Variants in ADAMTS16 observed in about 807,000 individuals in gnomAD.
ADAMTS16 encodes ADAM metallopeptidase with thrombospondin type 1 motif 16, also known as A disintegrin and metalloproteinase with thrombospondin motifs 16.
Under a neutral mutation model 145.8 loss-of-function variants are expected in ADAMTS16, and 94 were observed. The observed-to-expected ratio is 0.64, with a 90% confidence interval of 0.55 to 0.77. The LOEUF is 0.77. ADAMTS16 is among the 30% of genes least tolerant of loss of function. ADAMTS16 has a pLI of 0.00. For missense variants in ADAMTS16, 1,585 were observed against 1,591.5 expected (o/e 1.00, Z 0.07); for synonymous variants, 659 against 604.3 (o/e 1.09, Z -1.33).
intron 21 of ADAMTS16, among the ~76,000 whole-genome samples, chr5:5,312,657 A>T (rs954569333): frequency 2.6e-5 from 4 of 152,090 alleles, no homozygotes; most frequent in Non-Finnish European, 4.4e-5. Flanking sequence ...CGTGTTGGCC[A>T]GGCTGGTCTC....
chr5:5,309,245 T>C (rs1740314484), intron 21 of ADAMTS16, among the ~76,000 whole-genome samples: 1 of 152,240 alleles, frequency 6.6e-6, no homozygotes, highest in African/African-American at 2.4e-5. Flanking sequence ...CTCTGGATTG[T>C]TAATAATGCC....
At chr5:5,213,940 T>A (rs553773054) in intron 10 of ADAMTS16, among the ~76,000 whole-genome samples, 2 of 152,312 alleles carry the variant, frequency 1.3e-5, no homozygotes, top group South Asian at 2.1e-4. Flanking sequence ...CCAATGCAAC[T>A]TTTTTCTATA....
Position 5,306,688 on chromosome 5 carries a change from GA to G in ADAMTS16, c.3372del (p.Ser1126ArgfsTer142), listed in dbSNP as rs1561002066. 6.2e-7 allele frequency: 1 copy of G among 1,613,526 alleles called. No individual in the cohort carries two copies. Among genetic ancestry groups the G allele is most frequent in the Non-Finnish European group, 8.5e-7 (1 of 1,179,850 alleles). On this transcript the variant is annotated frameshift_variant, in exon 21 of 23. Coordinates refer to ENST00000274181, the MANE Select transcript of ADAMTS16 (RefSeq NM_139056.4). LOFTEE classifies it high-confidence loss of function. ...AGGCACCCCCCATTTGCTGCTGCGGGACCCTCGAGGGGCAGCTGGTTTGCCT... is the reference window on the plus strand; with the variant it reads ...AGGCACCCCCCATTTGCTGCTGCGGGCCCTCGAGGGGCAGCTGGTTTGCCT... ...CPRHPPFAAAGPSRGSWFASP... is the reference protein window; with the variant it reads ...CPRHPPFAAAXPSRGSWFASP...
intron 3 of ADAMTS16, among the ~76,000 whole-genome samples, chr5:5,172,627 T>C (rs2126544443): frequency 6.6e-6 from 1 of 152,306 alleles, no homozygotes; most frequent in South Asian, 2.1e-4. Flanking sequence ...TTCAGGGTTT[T>C]TAAAATTTTT....
At chr5:5,297,821 A>G (rs1739607339) in intron 18 of ADAMTS16, among the ~76,000 whole-genome samples, 1 of 152,230 alleles carries the variant, frequency 6.6e-6, no homozygotes, top group Non-Finnish European at 1.5e-5. Flanking sequence ...TCCTGCATTT[A>G]GAGGTGAAAA....
chr5:5,244,926 G>C (rs916717812), intron 17 of ADAMTS16, among the ~76,000 whole-genome samples: 5 of 152,144 alleles, frequency 3.3e-5, no homozygotes, highest in Non-Finnish European at 5.9e-5. Context: ...TCTATGTTTG[G>C]AGGACTTGTC....
At chr5:5,244,716 AG>A (rs1343645449) in intron 17 of ADAMTS16, among the ~76,000 whole-genome samples, 2 of 152,222 alleles carry the variant, frequency 1.3e-5, no homozygotes, top group Non-Finnish European at 2.9e-5. Flanking sequence ...CTGCCAGGGA[AG>A]CACAACGTGT....
intron 18 of ADAMTS16, among the ~76,000 whole-genome samples, chr5:5,298,637 G>C (rs1280826251): frequency 1.4e-5 from 2 of 144,140 alleles, no homozygotes; most frequent in Non-Finnish European, 3.1e-5. Flanking sequence ...TATGGAAGAG[G>C]CAGATTTTTC....
At chr5:5,184,263 C>T (rs890763710) in intron 4 of ADAMTS16, among the ~76,000 whole-genome samples, 2 of 152,022 alleles carry the variant, frequency 1.3e-5, no homozygotes, top group South Asian at 2.1e-4. Context: ...CACAGGTCCT[C>T]GTGTCACCTG....
intron 9 of ADAMTS16, among the ~76,000 whole-genome samples, chr5:5,207,880 T>C (rs1176430999): frequency 6.6e-6 from 1 of 152,156 alleles, no homozygotes; most frequent in Non-Finnish European, 1.5e-5. Context: ...TAATCCCACT[T>C]GGTCATAGTA....
At chr5:5,242,500 G>A (rs994959914) in intron 17 of ADAMTS16, among the ~76,000 whole-genome samples, 11 of 152,208 alleles carry the variant, frequency 7.2e-5, no homozygotes, top group South Asian at 6.2e-4. Context: ...TGAAAGTCAC[G>A]GTAATTATGA....
intron 9 of ADAMTS16, among the ~76,000 whole-genome samples, chr5:5,204,264 G>A (rs1205996050): frequency 6.6e-6 from 1 of 152,142 alleles, no homozygotes; most frequent in African/African-American, 2.4e-5. Flanking sequence ...GTGGGAAAGG[G>A]ATTTTGAAAT....
At position 5,320,171 on chromosome 5, in the gene ADAMTS16, G is replaced by T. The variant is rs934511128; in HGVS notation, c.*1033G>T. On this transcript the variant is annotated 3_prime_UTR_variant, in exon 23 of 23. Transcript: ENST00000274181. The surrounding 1 kb of genome is among the most constrained non-coding windows in gnomAD (Gnocchi z 5.1). ...GTGTTAGGGTGGGAATCTGCCCGGC[G>T]TCTCTGGCACCCTCCCTGCCATCCT... 3 of 314,630 alleles carry T rather than the reference G, an allele frequency of 9.5e-6. No homozygotes were observed. Among genetic ancestry groups the T allele is most frequent in the East Asian group, 2.3e-4 (2 of 8,866 alleles). 19.5% of individuals were successfully genotyped at this position (314,630 alleles called of 1,614,324 possible).
chr5:5,151,903 G>A (rs561725387), intron 3 of ADAMTS16, among the ~76,000 whole-genome samples: 8 of 151,942 alleles, frequency 5.3e-5, no homozygotes, highest in African/African-American at 1.9e-4. Context: ...CCTCCTTTCT[G>A]CCACTGGGAA....
chr5:5,184,957 C>T (rs1010887712), intron 4 of ADAMTS16, among the ~76,000 whole-genome samples: 2 of 152,086 alleles, frequency 1.3e-5, no homozygotes, highest in African/African-American at 2.4e-5. Context: ...CCGACACTTT[C>T]GAAGGAAGGG....
Position 5,237,029 on chromosome 5 carries a change from C to T in ADAMTS16, c.2084C>T (p.Ser695Leu), listed in dbSNP as rs1737128976. 5 of 1,613,948 alleles carry T rather than the reference C, an allele frequency of 3.1e-6. No homozygotes were observed. Among genetic ancestry groups the T allele is most frequent in the Non-Finnish European group, 4.2e-6 (5 of 1,179,932 alleles). Residue 695 changes from serine to leucine, a missense_variant, in exon 14 of 23, where the codon TCA (serine) becomes TTA (leucine). Ser to Leu is a moderately radical substitution (Grantham distance 145, BLOSUM62 -2). Coordinates refer to ENST00000274181, the MANE Select transcript of ADAMTS16 (RefSeq NM_139056.4). ...GGATTTGATTTCTTCTTTTCTTTGT[C>T]AAATAAAGTCAAAGATGGGACTCCA... ...AEGFDFFFSL[S>L]NKVKDGTPCS...
At chr5:5,175,326 G>T (rs1488716737) in intron 3 of ADAMTS16, among the ~76,000 whole-genome samples, 1 of 152,166 alleles carries the variant, frequency 6.6e-6, no homozygotes, top group Non-Finnish European at 1.5e-5. Context: ...AGGAATGGGG[G>T]CCTCAGAATT....
At chr5:5,193,086 C>G (rs553233852) in intron 8 of ADAMTS16, among the ~76,000 whole-genome samples, 1 of 152,150 alleles carries the variant, frequency 6.6e-6, no homozygotes, top group African/African-American at 2.4e-5. Context: ...TTTTGCAAAG[C>G]TGACTTATCC....
intron 3 of ADAMTS16, among the ~76,000 whole-genome samples, chr5:5,152,485 C>G (rs1041806580): frequency 6.6e-6 from 1 of 152,190 alleles, no homozygotes; most frequent in African/African-American, 2.4e-5. Context: ...GTTGGCCATG[C>G]CTGCCTGGAA....
Sources: gnomAD v4.1 joint callset for allele counts (sites outside exome capture counted in the v4.1 genomes callset) on GRCh38, gnomAD v4.1.1 for gene constraint, Gnocchi (gnomAD v3.1) non-coding constraint, MANE v1.5 for transcripts, NCBI Gene and HGNC (gene_info 2026-07-23, HGNC 2026-07-21) for gene names.